The following GXYLT1 variants were observed in gnomAD, a reference collection of about 807,000 sequenced individuals.
GXYLT1 encodes glycosyltransferase 8 domain containing 3.
A neutral mutation model predicts 54.0 loss-of-function variants in GXYLT1; 29 were observed. That is an observed-to-expected ratio of 0.54 (90% CI 0.40 to 0.73). The LOEUF is 0.73. Ranked by LOEUF, GXYLT1 falls within the 30% of genes least tolerant of loss-of-function variation. The pLI is 0.00. For missense variants in GXYLT1, 490 were observed against 553.4 expected (o/e 0.89, Z 1.15); for synonymous variants, 176 against 204.1 (o/e 0.86, Z 1.17).
intron 1 of GXYLT1, among the ~76,000 whole-genome samples, chr12:42,140,510 A>G (rs571085488): frequency 1.3e-5 from 2 of 152,186 alleles, no homozygotes; most frequent in Non-Finnish European, 2.9e-5. Context: ...TTTAATTTCA[A>G]TTCTCACAAA....
intron 4 of GXYLT1, among the ~76,000 whole-genome samples, chr12:42,108,249 T>C (rs1181537333): frequency 6.6e-6 from 1 of 152,232 alleles, no homozygotes; most frequent in East Asian, 1.9e-4. Flanking sequence ...AGTGCCATGG[T>C]GCCAAGTGTT....
rs543074964 is a variant in GXYLT1, at chr12:42,130,909, T to C, written c.222-1058A>G. 5.3e-5 allele frequency among the ~76,000 whole-genome samples: 8 copies of C among 152,288 alleles called. No homozygotes were observed. The East Asian group carries it at 1.5e-3, about 29-fold the overall frequency. On this transcript the variant is annotated intron_variant, in intron 1 of 7. Transcript: ENST00000398675. ...TTGCAATAAGCTGTGACTGTGCTAC[T>C]GCACCCCAGCCTGGCTGAACACAGC... is the stretch of plus-strand genomic sequence containing the variant.
At chr12:42,144,337 G>T in intron 1 of GXYLT1, 89 bp downstream of exon 1, 1 of 781,236 alleles carries the variant, frequency 1.3e-6, no homozygotes, top group Non-Finnish European at 1.8e-6. Context: ...GGGAGACGCG[G>T]CACCCACCGG....
chr12:42,109,792 A>C (rs980657244), intron 3 of GXYLT1, 101 bp from the exon 4 acceptor site: 1 of 703,426 alleles, frequency 1.4e-6, no homozygotes, highest in African/African-American at 1.9e-5. Flanking sequence ...AAATTAAGAT[A>C]ATATACATTT....
intron 7 of GXYLT1, among the ~76,000 whole-genome samples, chr12:42,096,025 A>G (rs1176966300): frequency 5.3e-5 from 8 of 152,224 alleles, no homozygotes; most frequent in African/African-American, 1.9e-4. Flanking sequence ...CTGTAAGATT[A>G]AGCAAATGAC....
intron 2 of GXYLT1, among the ~76,000 whole-genome samples, chr12:42,121,524 A>G (rs1460245188): frequency 6.6e-6 from 1 of 152,004 alleles, no homozygotes; most frequent in Non-Finnish European, 1.5e-5. Context: ...CTAGCTACTT[A>G]AAGGCTGAGG....
At position 42,082,258 on chromosome 12, in the gene GXYLT1, A is replaced by C. The variant is rs2065258485; in HGVS notation, c.*5528T>G. The C allele has an allele frequency of 6.6e-6, 1 of 152,174 alleles. No individual in the cohort carries two copies. The highest frequency in any genetic ancestry group is 6.5e-5 in the Admixed American group (1 of 15,280). The allele number at this position is 152,174 out of a possible 1,614,324, so 9.4% of individuals were successfully genotyped here. On this transcript the variant is annotated 3_prime_UTR_variant, in exon 8 of 8. Transcript: ENST00000398675. ...GTGCAAACCACCATCCTCTTCACAG[A>C]TCTTCTGTTACGGCAACCATCAAAA...
chr12:42,091,885 T>C lies in GXYLT1; in HGVS notation c.1162-3938A>G, dbSNP rs147447419. Among the ~76,000 whole-genome samples, 297 of 152,322 alleles carry C rather than the reference T, an allele frequency of 1.9e-3. 3 individuals carry two copies. In the South Asian group the frequency reaches 0.045, roughly 23 times the overall value. The stretch of plus-strand genomic sequence containing the variant: ...TCATTTCGGCCCCTGCTGACTTTCA[T>C]CCATCACTCCAGTCACACTGAACAG... On this transcript the variant is annotated intron_variant, in intron 7 of 7. Transcript: ENST00000398675.
intron 7 of GXYLT1, 84 bp downstream of exon 7, chr12:42,097,358 T>C: frequency 9.4e-7 from 1 of 1,067,002 alleles, no homozygotes; most frequent in Non-Finnish European, 1.3e-6. Context: ...GTGTAAAAAT[T>C]CTTTGTACTA....
At chr12:42,099,618 C>A (rs922229260) in intron 5 of GXYLT1, among the ~76,000 whole-genome samples, 3 of 152,078 alleles carry the variant, frequency 2.0e-5, no homozygotes, top group Non-Finnish European at 4.4e-5. Flanking sequence ...TTTGGGAGGC[C>A]GAGGCAGGCT....
chr12:42,128,852 A>G (rs1021788565), intron 2 of GXYLT1, among the ~76,000 whole-genome samples: 2 of 151,804 alleles, frequency 1.3e-5, no homozygotes, highest in Non-Finnish European at 2.9e-5. Flanking sequence ...TAAAAAAAAA[A>G]TTTGTAGAGA....
chr12:42,132,114 T>C (rs1373172670), intron 1 of GXYLT1, among the ~76,000 whole-genome samples: 3 of 152,214 alleles, frequency 2.0e-5, no homozygotes, highest in Non-Finnish European at 4.4e-5. Flanking sequence ...CCTCAACTTG[T>C]ACTTTAAGTT....
intron 5 of GXYLT1, among the ~76,000 whole-genome samples, chr12:42,098,421 G>A (rs2065369667): frequency 6.9e-6 from 1 of 145,502 alleles, no homozygotes; most frequent in Non-Finnish European, 1.5e-5. Context: ...TTCAGTGTTA[G>A]CTATTATTAT....
rs573723864 is a variant in GXYLT1 at position 42,144,834 on chromosome 12, A to G, written c.-188T>C. The G allele has an allele frequency of 4.8e-5, 18 of 376,534 alleles. No homozygotes were observed. The highest frequency in any genetic ancestry group is 3.8e-4 in the African/African-American group (18 of 46,854). The allele number at this position is 376,534 out of a possible 1,614,324, so 23.3% of individuals were successfully genotyped here. Reference sequence around the variant, plus strand: ...TAGGCGAGCGCAGTCGCGGCTCCGGAGCCGAAGGACTACCCGCCCGGAAGC... The same window carrying G: ...TAGGCGAGCGCAGTCGCGGCTCCGGGGCCGAAGGACTACCCGCCCGGAAGC... On this transcript the variant is annotated 5_prime_UTR_variant, in exon 1 of 8. Transcript: ENST00000398675.
At chr12:42,136,934 C>G (rs2065623118) in intron 1 of GXYLT1, among the ~76,000 whole-genome samples, 1 of 151,962 alleles carries the variant, frequency 6.6e-6, no homozygotes, top group Non-Finnish European at 1.5e-5. Context: ...CCACTATGCC[C>G]AGGTAATTTT....
At chr12:42,107,524 C>T (rs1427994813) in intron 4 of GXYLT1, among the ~76,000 whole-genome samples, 1 of 152,114 alleles carries the variant, frequency 6.6e-6, no homozygotes, top group Non-Finnish European at 1.5e-5. Context: ...AACGCTGTCT[C>T]TACTAAAAAT....
Position 42,119,055 on chromosome 12 carries a change from G to A in GXYLT1, c.431C>T (p.Pro144Leu), listed in dbSNP as rs199648579. 30 of 1,614,002 alleles carry A rather than the reference G, an allele frequency of 1.9e-5. No individual in the cohort carries two copies. Among genetic ancestry groups the A allele is most frequent in the Non-Finnish European group, 2.5e-5 (29 of 1,179,954 alleles). The change falls in exon 3 of 8, where the codon CCT becomes CTT. Residue 144 changes from proline to leucine, a missense_variant. Pro to Leu is a moderately conservative substitution (Grantham distance 98, BLOSUM62 -3). Around this residue, in one of 2 missense-constraint regions of GXYLT1, gnomAD observed 148 missense variants for 210.7 expected, o/e 0.70. Coordinates refer to ENST00000398675, the MANE Select transcript of GXYLT1 (RefSeq NM_173601.2). ...TTCAGCAAAAATATGGAATTGAAGA[G>A]GTTTGATGCTGAAAATGATAGCTGA... is the stretch of plus-strand genomic sequence containing the variant. ...LKSAIIFSIK[P>L]LQFHIFAEDQ...
intron 2 of GXYLT1, among the ~76,000 whole-genome samples, chr12:42,123,060 A>T (rs2065540819): frequency 6.6e-6 from 1 of 152,182 alleles, no homozygotes; most frequent in Non-Finnish European, 1.5e-5. Context: ...CACAAAAGAT[A>T]CCAATAACAG....
chr12:42,118,487 A>G (rs905979344), intron 3 of GXYLT1, among the ~76,000 whole-genome samples: 1 of 152,240 alleles, frequency 6.6e-6, no homozygotes, highest in Non-Finnish European at 1.5e-5. Flanking sequence ...ATCTGGACTC[A>G]GATGGAAGTG....
Sources: allele counts gnomAD v4.1 joint callset (sites outside exome capture counted in the v4.1 genomes callset), GRCh38; gene constraint gnomAD v4.1.1; regional missense constraint gnomAD v4.1.1; transcripts MANE v1.5; gene names NCBI Gene and HGNC (gene_info 2026-07-23, HGNC 2026-07-21).